C8orf34: variants seen among roughly 807,000 people sequenced by gnomAD.
C8orf34 encodes chromosome 8 open reading frame 34, also known as uncharacterized protein C8orf34.
Under a neutral mutation model 68.3 loss-of-function variants are expected in C8orf34, and 65 were observed. The ratio of observed to expected loss-of-function variants is 0.95; its 90% CI spans 0.78 to 1.17. The LOEUF (loss-of-function observed/expected upper bound fraction) is 1.17. Among genes scored for constraint, C8orf34 ranks in the 50% most tolerant of loss-of-function variants. The pLI is 0.00. For missense variants in C8orf34, 664 were observed against 655.4 expected (o/e 1.01, Z -0.14); for synonymous variants, 244 against 241.2 (o/e 1.01, Z -0.11).
At chr8:68,771,637 C>T (rs1047676742) in intron 10 of C8orf34, among the ~76,000 whole-genome samples, 1 of 152,118 alleles carries the variant, frequency 6.6e-6, no homozygotes, top group African/African-American at 2.4e-5. Flanking sequence ...GGACTAATGA[C>T]TAAGATTTCA....
intron 3 of C8orf34, among the ~76,000 whole-genome samples, chr8:68,450,511 A>C (rs138789723): frequency 9.9e-5 from 15 of 152,254 alleles, no homozygotes; most frequent in Non-Finnish European, 1.9e-4. Flanking sequence ...CTTAGGTAAT[A>C]AGACTTGAAA....
At chr8:68,588,286 T>C (rs1411984668) in intron 7 of C8orf34, among the ~76,000 whole-genome samples, 2 of 152,118 alleles carry the variant, frequency 1.3e-5, no homozygotes, top group African/African-American at 4.8e-5. Context: ...GATGTAAAGA[T>C]GAATATATTG....
chr8:68,509,623 AT>A (rs1389921610), intron 5 of C8orf34, among the ~76,000 whole-genome samples: 1 of 152,232 alleles, frequency 6.6e-6, no homozygotes, highest in African/African-American at 2.4e-5. Context: ...AAAAGAAGGC[AT>A]TTTTTAAAGG....
At chr8:68,514,242 G>T (rs1814408268) in intron 5 of C8orf34, among the ~76,000 whole-genome samples, 1 of 152,130 alleles carries the variant, frequency 6.6e-6, no homozygotes, top group African/African-American at 2.4e-5. Flanking sequence ...CACAGGATGA[G>T]GAGGGGACAG....
At chr8:68,557,804 T>G (rs1486976359) in intron 7 of C8orf34, among the ~76,000 whole-genome samples, 1 of 152,184 alleles carries the variant, frequency 6.6e-6, no homozygotes, top group Non-Finnish European at 1.5e-5. Context: ...AACAAAGATG[T>G]TTTTCTATAT....
At chr8:68,370,138 G>A (rs1034103972) in intron 1 of C8orf34, among the ~76,000 whole-genome samples, 1 of 152,142 alleles carries the variant, frequency 6.6e-6, no homozygotes, top group Non-Finnish European at 1.5e-5. Context: ...CTCTCCATTT[G>A]TGGTAATTCA....
At chr8:68,542,647 A>G (rs2129953167) in intron 7 of C8orf34, among the ~76,000 whole-genome samples, 1 of 152,312 alleles carries the variant, frequency 6.6e-6, no homozygotes, top group African/African-American at 2.4e-5. Flanking sequence ...GATAAGGAAA[A>G]TTGAGAATGT....
At chr8:68,517,849 T>A (rs1292048720) in intron 5 of C8orf34, among the ~76,000 whole-genome samples, 1 of 152,206 alleles carries the variant, frequency 6.6e-6, no homozygotes, top group Non-Finnish European at 1.5e-5. Flanking sequence ...CAAGCCCAAT[T>A]CTGCCCCATA....
At chr8:68,632,503 A>G (rs1818720284) in intron 7 of C8orf34, among the ~76,000 whole-genome samples, 1 of 152,212 alleles carries the variant, frequency 6.6e-6, no homozygotes, top group Admixed American at 6.5e-5. Context: ...ATCTTCTGGC[A>G]ATAAATTCAA....
At chr8:68,632,033 G>GT (rs1383499748) in intron 7 of C8orf34, among the ~76,000 whole-genome samples, 1 of 152,192 alleles carries the variant, frequency 6.6e-6, no homozygotes, top group Non-Finnish European at 1.5e-5. Context: ...TTGGAACTGG[G>GT]TAATGGGCAG....
At chr8:68,439,362 T>C in intron 1 of C8orf34, 137 bp from the exon 2 acceptor site, 1 of 670,310 alleles carries the variant, frequency 1.5e-6, no homozygotes, top group Non-Finnish European at 2.4e-6. Context: ...TCTGAAAAGA[T>C]TGTTATAAGC....
chr8:68,655,285 CTA>C (rs1273772692), intron 8 of C8orf34, among the ~76,000 whole-genome samples: 1 of 152,080 alleles, frequency 6.6e-6, no homozygotes, highest in Non-Finnish European at 1.5e-5. Context: ...GCTGTACCAG[CTA>C]CTAAAAGGTA....
At chr8:68,718,749 T>G (rs1821547679) in intron 9 of C8orf34, among the ~76,000 whole-genome samples, 1 of 152,168 alleles carries the variant, frequency 6.6e-6, no homozygotes, top group Admixed American at 6.6e-5. Flanking sequence ...AAGTTGGATG[T>G]AGCTAAGCAC....
chr8:68,735,929 G>A (rs7000878), intron 10 of C8orf34, among the ~76,000 whole-genome samples: 26,405 of 152,026 alleles, frequency 0.17, 2,486 homozygotes, highest in Middle Eastern at 0.3. Context: ...AATGTAGTTC[G>A]TTTGTGACTT....
chr8:68,469,613 AT>A (rs1207818134), intron 4 of C8orf34, among the ~76,000 whole-genome samples: 1 of 152,068 alleles, frequency 6.6e-6, no homozygotes, highest in Non-Finnish European at 1.5e-5. Context: ...GTATTCCTAC[AT>A]TTTTTTGGTT....
intron 10 of C8orf34, among the ~76,000 whole-genome samples, chr8:68,758,922 T>C (rs1380545075): frequency 1.3e-5 from 2 of 152,192 alleles, no homozygotes; most frequent in Non-Finnish European, 2.9e-5. Flanking sequence ...ATAATCATTC[T>C]TAGCAACTGG....
At chr8:68,431,861 A>C (rs1353389209) in intron 1 of C8orf34, among the ~76,000 whole-genome samples, 1 of 152,160 alleles carries the variant, frequency 6.6e-6, no homozygotes, top group Non-Finnish European at 1.5e-5. Context: ...TATTTTCATC[A>C]TTCCTAATCT....
At chr8:68,330,448 A>C (rs1325084802), upstream of C8orf34, among the ~76,000 whole-genome samples, 3 of 152,098 alleles carry the variant, frequency 2.0e-5, no homozygotes, top group Admixed American at 1.3e-4. Flanking sequence ...CCAGATTTTG[A>C]AAAGGAAGGC....
chr8:68,342,342 C>G (rs915032759), intron 1 of C8orf34, among the ~76,000 whole-genome samples: 10 of 151,928 alleles, frequency 6.6e-5, no homozygotes, highest in Non-Finnish European at 1.3e-4. Context: ...TAAATTGGAC[C>G]TCAGCAAAAT....
Sources: allele counts gnomAD v4.1 joint callset (sites outside exome capture counted in the v4.1 genomes callset), GRCh38; gene constraint gnomAD v4.1.1; transcripts MANE v1.5; gene names NCBI Gene and HGNC (gene_info 2026-07-23, HGNC 2026-07-21).